ITSN1: variants seen among roughly 807,000 people sequenced by gnomAD.
The protein encoded by ITSN1 is intersectin-1.
A neutral mutation model predicts 239.8 loss-of-function variants in ITSN1; 58 were observed. The observed-to-expected ratio is 0.24, with a 90% confidence interval of 0.20 to 0.30. The LOEUF (loss-of-function observed/expected upper bound fraction) is 0.30. ITSN1 is among the 10% of genes least tolerant of loss of function. ITSN1 has a pLI of 1.00. For synonymous variants in ITSN1, 780 were observed against 770.8 expected, an observed-to-expected ratio of 1.01 and a Z score of -0.20; for missense variants, 1,558 against 2,103.3, an observed-to-expected ratio of 0.74 and a Z score of 5.07.
chr21:33,744,287 A>AT (rs2067049215), intron 5 of ITSN1, among the ~76,000 whole-genome samples: 1 of 152,224 alleles, frequency 6.6e-6, no homozygotes, highest in Non-Finnish European at 1.5e-5. Flanking sequence ...TAATTCTGTC[A>AT]TTTTCTATAC....
chr21:33,822,803 TATC>T (rs2073762714), intron 24 of ITSN1, among the ~76,000 whole-genome samples: 1 of 152,240 alleles, frequency 6.6e-6, no homozygotes, highest in Admixed American at 6.5e-5. Flanking sequence ...ACATTCCTTT[TATC>T]ATCAGTCCTC....
chr21:33,771,913 G>A (rs566458058), intron 11 of ITSN1, 148 bp from the exon 12 acceptor site: 217 of 801,608 alleles, frequency 2.7e-4, no homozygotes, highest in Non-Finnish European at 4.0e-4. Flanking sequence ...GGGGGTTTTC[G>A]TTGTGCTCAT....
In ITSN1 at chr21:33,857,214, C is replaced by T. The variant is rs564776577; in HGVS notation, c.3783+357C>T. On this transcript the variant is annotated intron_variant, in intron 30 of 39. Coordinates refer to ENST00000381318, the MANE Select transcript of ITSN1 (RefSeq NM_003024.3). ...GGAGGTGCCATGGAGCCAGCCACGCCGCCCTCCTGGCCCGCAGTGTTGGCA... is the reference window on the plus strand; with the variant it reads ...GGAGGTGCCATGGAGCCAGCCACGCTGCCCTCCTGGCCCGCAGTGTTGGCA... Among the ~76,000 whole-genome samples the T allele has an allele frequency of 3.9e-5, 6 of 152,316 alleles. No homozygotes were observed. The East Asian group carries it at 7.7e-4, about 20-fold the overall frequency.
At chr21:33,778,881 A>G (rs1194838341) in intron 14 of ITSN1, among the ~76,000 whole-genome samples, 1 of 151,956 alleles carries the variant, frequency 6.6e-6, no homozygotes, top group African/African-American at 2.4e-5. Flanking sequence ...CCCGGCCTAT[A>G]ATATTCTCTT....
intron 4 of ITSN1, among the ~76,000 whole-genome samples, chr21:33,734,748 A>C (rs1368600581): frequency 6.6e-6 from 1 of 152,214 alleles, no homozygotes; most frequent in African/African-American, 2.4e-5. Flanking sequence ...AGCTAATTTT[A>C]GAATGTTTTC....
rs2834290 is a variant in ITSN1 at position 33,894,734 on chromosome 21, T to A, written c.*6434T>A. The stretch of plus-strand genomic sequence containing the variant: ...TCTTCGCTTTTGCATTTCTCTTTTT[T>A]AACTCAAATCTCTTATTTCCTGCCG... On this transcript the variant is annotated 3_prime_UTR_variant, in exon 40 of 40. Coordinates refer to ENST00000381318, the MANE Select transcript of ITSN1 (RefSeq NM_003024.3). The A allele has an allele frequency of 0.45, 68,043 of 152,160 alleles. 15,521 individuals carry two copies. The highest frequency in any genetic ancestry group is 0.49 in the Non-Finnish European group (33,138 of 68,002). 9.4% of individuals were successfully genotyped at this position (152,160 alleles called of 1,614,324 possible). A position where few individuals can be genotyped will look rare whatever the true frequency, so the allele number is the denominator to read the frequency against.
At chr21:33,703,801 T>C (rs2092128728) in intron 1 of ITSN1, among the ~76,000 whole-genome samples, 1 of 152,202 alleles carries the variant, frequency 6.6e-6, no homozygotes, top group Non-Finnish European at 1.5e-5. Flanking sequence ...AATCATGATG[T>C]AGGCCCTGTT....
intron 1 of ITSN1, among the ~76,000 whole-genome samples, chr21:33,644,588 A>C (rs965757431): frequency 6.6e-6 from 1 of 152,008 alleles, no homozygotes; most frequent in Non-Finnish European, 1.5e-5. Flanking sequence ...GATACTAAGC[A>C]TTGTGAAATA....
chr21:33,860,819 C>A (rs1384471698), intron 31 of ITSN1, among the ~76,000 whole-genome samples: 1 of 152,172 alleles, frequency 6.6e-6, no homozygotes, highest in Non-Finnish European at 1.5e-5. Context: ...TGGGCTCCGG[C>A]CCCTTCTAAC....
In ITSN1 at chr21:33,749,861, C is replaced by T. The variant is rs141791630; in HGVS notation, c.347-282C>T. ...ATTTATTTTTAAATATCATTTTGAA[C>T]TCATGGATTTAATTATATTTGAGCC... On this transcript the variant is annotated intron_variant, in intron 5 of 39. Coordinates refer to ENST00000381318, the MANE Select transcript of ITSN1 (RefSeq NM_003024.3). 2.6e-3 allele frequency among the ~76,000 whole-genome samples: 396 copies of T among 152,038 alleles called. 2 individuals are homozygous for T. Among genetic ancestry groups the T allele is most frequent in the African/African-American group, 9.3e-3 (387 of 41,454 alleles).
rs1234044195 is a variant in ITSN1, at chr21:33,820,744, C to T, written c.3016+1421C>T. Among the ~76,000 whole-genome samples, 4 of 152,288 alleles carry T rather than the reference C, an allele frequency of 2.6e-5. No individual in the cohort carries two copies. The East Asian group carries it at 7.7e-4, about 29-fold the overall frequency. ...ATTAACAGAGTTCCCTTTATACATT[C>T]TCATTATCTTAATGACTTTTTATCC... On this transcript the variant is annotated intron_variant, in intron 24 of 39. Coordinates refer to ENST00000381318, the MANE Select transcript of ITSN1 (RefSeq NM_003024.3).
intron 1 of ITSN1, among the ~76,000 whole-genome samples, chr21:33,705,464 T>A (rs2092214775): frequency 6.6e-6 from 1 of 152,162 alleles, no homozygotes; most frequent in Non-Finnish European, 1.5e-5. Flanking sequence ...CTCAGCTCAC[T>A]GCAAGCTCTG....
At chr21:33,870,138 A>G (rs1982462382) in intron 33 of ITSN1, among the ~76,000 whole-genome samples, 1 of 152,144 alleles carries the variant, frequency 6.6e-6, no homozygotes, top group Admixed American at 6.5e-5. Context: ...GCTCAACTCC[A>G]CAAAATACAC....
At chr21:33,789,678 T>G (rs1182500634) in intron 16 of ITSN1, among the ~76,000 whole-genome samples, 1 of 152,212 alleles carries the variant, frequency 6.6e-6, no homozygotes. Flanking sequence ...ATATTTCAAG[T>G]AATATTGTTT....
intron 9 of ITSN1, among the ~76,000 whole-genome samples, chr21:33,762,651 TC>T (rs60990601): frequency 6.6e-6 from 1 of 152,224 alleles, no homozygotes; most frequent in African/African-American, 2.4e-5. Context: ...AGAGGGATTT[TC>T]CTTTTTTTCA....
intron 1 of ITSN1, among the ~76,000 whole-genome samples, chr21:33,705,554 A>AT (rs537103031): frequency 0.057 from 8,345 of 146,024 alleles, 777 homozygotes; most frequent in African/African-American, 0.2. Flanking sequence ...CACCCGGCTA[A>AT]TTTTTTTTTT....
At chr21:33,870,788 G>A (rs899949877) in intron 33 of ITSN1, among the ~76,000 whole-genome samples, 8 of 152,190 alleles carry the variant, frequency 5.3e-5, no homozygotes, top group African/African-American at 1.9e-4. Context: ...AATTAGCCGG[G>A]AGTGATGGTG....
At chr21:33,665,134 G>A (rs187054566) in intron 1 of ITSN1, among the ~76,000 whole-genome samples, 13 of 152,058 alleles carry the variant, frequency 8.5e-5, no homozygotes, top group African/African-American at 1.2e-4. Context: ...GTGGTGGCGG[G>A]TGCTTGTAAT....
chr21:33,806,307 C>A (rs2072446092), intron 20 of ITSN1, among the ~76,000 whole-genome samples: 1 of 152,204 alleles, frequency 6.6e-6, no homozygotes, highest in Admixed American at 6.5e-5. Flanking sequence ...ACTACCTGCA[C>A]TCCTCAACAC....
Sources: gnomAD v4.1 joint callset for allele counts (sites outside exome capture counted in the v4.1 genomes callset) on GRCh38, gnomAD v4.1.1 for gene constraint, MANE v1.5 for transcripts, NCBI Gene and HGNC (gene_info 2026-07-23, HGNC 2026-07-21) for gene names.